The following LASP1 variants were observed in gnomAD, a reference collection of about 807,000 sequenced individuals.
LASP1 encodes the protein LIM and SH3 domain protein 1.
LASP1 carries 10 observed loss-of-function variants against 38.6 expected under a neutral mutation model. The ratio of observed to expected loss-of-function variants is 0.26; its 90% CI spans 0.16 to 0.44. The LOEUF (loss-of-function observed/expected upper bound fraction) is 0.44, where lower values mean the gene tolerates loss of function less well. Ranked by LOEUF, LASP1 falls within the 20% of genes least tolerant of loss-of-function variation. The pLI, the probability that LASP1 is intolerant of heterozygous loss-of-function variation, is 1.00. For synonymous variants in LASP1, 132 were observed against 140.8 expected, an observed-to-expected ratio of 0.94 and a Z score of 0.44; for missense variants, 243 against 375.7, an observed-to-expected ratio of 0.65 and a Z score of 2.92.
chr17:38,896,792 G>A, intron 3 of LASP1: 1 of 400,162 alleles, frequency 2.5e-6, no homozygotes, highest in Non-Finnish European at 3.4e-6. Context: ...CTCAGAAGTG[G>A]GAGACTGAGC....
chr17:38,912,495 A>T (rs1332644185), intron 4 of LASP1, among the ~76,000 whole-genome samples: 1 of 151,978 alleles, frequency 6.6e-6, no homozygotes, highest in Non-Finnish European at 1.5e-5. Context: ...TCTGGTTGCC[A>T]CAGGGTCAGG....
chr17:38,886,115 G>T (rs961832037), intron 2 of LASP1, among the ~76,000 whole-genome samples: 24 of 148,040 alleles, frequency 1.6e-4, no homozygotes, highest in Admixed American at 8.1e-4. Flanking sequence ...TCTCTCACTC[G>T]CTCTCTCACT....
chr17:38,917,525 A>T (rs1484056842), intron 6 of LASP1, among the ~76,000 whole-genome samples: 1 of 151,938 alleles, frequency 6.6e-6, no homozygotes, highest in Non-Finnish European at 1.5e-5. Context: ...TGAGGCTTGG[A>T]AGGTGGAACC....
chr17:38,906,734 G>A (rs1201066087), intron 4 of LASP1, among the ~76,000 whole-genome samples: 1 of 152,106 alleles, frequency 6.6e-6, no homozygotes, highest in African/African-American at 2.4e-5. Flanking sequence ...GGGAGAGCAG[G>A]GGGGTCAGAA....
intron 2 of LASP1, among the ~76,000 whole-genome samples, chr17:38,886,154 C>A (rs991081804): frequency 6.6e-6 from 1 of 151,892 alleles, no homozygotes; most frequent in Non-Finnish European, 1.5e-5. Flanking sequence ...CTCTCTGTCT[C>A]GCTCTCGCTC....
At chr17:38,872,376 C>A (rs1020364765) in intron 1 of LASP1, among the ~76,000 whole-genome samples, 42 of 152,320 alleles carry the variant, frequency 2.8e-4, no homozygotes, top group African/African-American at 9.9e-4. Context: ...CCCCAGTTCT[C>A]TTACCCTAGC....
intron 1 of LASP1, among the ~76,000 whole-genome samples, chr17:38,871,731 C>T (rs3826294): frequency 0.066 from 10,071 of 151,998 alleles, 697 homozygotes; most frequent in East Asian, 0.36. Flanking sequence ...GGAGTGTGGG[C>T]ATATGGGGCC....
chr17:38,894,304 A>C (rs1914425620), intron 3 of LASP1, among the ~76,000 whole-genome samples: 2 of 151,240 alleles, frequency 1.3e-5, no homozygotes, highest in South Asian at 4.2e-4. Flanking sequence ...TCCTTCATCA[A>C]CTCACCTTGA....
intron 1 of LASP1, among the ~76,000 whole-genome samples, chr17:38,874,605 C>T (rs1006736997): frequency 2.6e-5 from 4 of 152,214 alleles, no homozygotes; most frequent in Admixed American, 6.5e-5. Context: ...ACGGCCTCCT[C>T]TCCTGACCTT....
chr17:38,904,200 G>C (rs1367907025), intron 4 of LASP1, among the ~76,000 whole-genome samples: 2 of 152,142 alleles, frequency 1.3e-5, no homozygotes, highest in Admixed American at 1.3e-4. Flanking sequence ...TAACTCCCAT[G>C]TAGTAAGTAC....
At chr17:38,882,322 A>G (rs896143846) in intron 2 of LASP1, among the ~76,000 whole-genome samples, 2 of 152,220 alleles carry the variant, frequency 1.3e-5, no homozygotes, top group Non-Finnish European at 2.9e-5. Context: ...ATCTCCGCTC[A>G]CTACAACCTC....
At chr17:38,891,076 A>G (rs1239031647) in intron 3 of LASP1, among the ~76,000 whole-genome samples, 1 of 151,918 alleles carries the variant, frequency 6.6e-6, no homozygotes, top group Non-Finnish European at 1.5e-5. Context: ...GCCTAGGGAG[A>G]ACTTGGTCTT....
In LASP1 at chr17:38,879,209, G is replaced by A. The variant is rs533935046; in HGVS notation, c.164+1029G>A. On this transcript the variant is annotated intron_variant, in intron 2 of 6. Transcript: ENST00000318008. The stretch of plus-strand genomic sequence containing the variant: ...GAGGACTCATCACCCAGGTTGGAGT[G>A]CAGTGGCGCGATCTTGGCTCACTGC... Among the ~76,000 whole-genome samples, 70 of 147,022 alleles carry A rather than the reference G, an allele frequency of 4.8e-4. No homozygotes were observed. In the South Asian group the frequency reaches 7.9e-3, roughly 16 times the overall value.
At chr17:38,878,574 G>C (rs1442451525) in intron 2 of LASP1, among the ~76,000 whole-genome samples, 1 of 152,108 alleles carries the variant, frequency 6.6e-6, no homozygotes, top group Admixed American at 6.6e-5. Context: ...CGTGTCTGTT[G>C]TATTTGGGGT....
chr17:38,890,094 C>A, intron 2 of LASP1: 1 of 273,568 alleles, frequency 3.7e-6, no homozygotes, highest in Non-Finnish European at 7.2e-6. Context: ...GTGGTAGGCA[C>A]AAGGCATGGA....
chr17:38,886,182 TCA>T (rs979879149), intron 2 of LASP1, among the ~76,000 whole-genome samples: 1 of 151,908 alleles, frequency 6.6e-6, no homozygotes, highest in Non-Finnish European at 1.5e-5. Context: ...ACTCTCTCTC[TCA>T]CTGTTGCTGC....
chr17:38,874,608 C>T (rs1446440807), intron 1 of LASP1, among the ~76,000 whole-genome samples: 1 of 152,210 alleles, frequency 6.6e-6, no homozygotes, highest in Non-Finnish European at 1.5e-5. Flanking sequence ...GCCTCCTCTC[C>T]TGACCTTCCA....
rs1454149649 is a variant in LASP1 at position 38,920,906 on chromosome 17, G to A, written c.*2128G>A. On this transcript the variant is annotated 3_prime_UTR_variant, in exon 7 of 7. Transcript: ENST00000318008. ...CAAAGGTCAGGGACACATCCCCTTA[G>A]AGGACCTGAGTTTGGGAGAGTGGTG... The A allele has an allele frequency of 4.3e-6, 1 of 232,516 alleles. No individual in the cohort carries two copies. The highest frequency in any genetic ancestry group is 8.5e-6 in the Non-Finnish European group (1 of 117,412). 14.4% of individuals were successfully genotyped at this position (232,516 alleles called of 1,614,324 possible). A position where few individuals can be genotyped will look rare whatever the true frequency, so the allele number is the denominator to read the frequency against.
intron 4 of LASP1, among the ~76,000 whole-genome samples, chr17:38,913,395 G>C (rs544955139): frequency 5.3e-5 from 8 of 152,328 alleles, no homozygotes; most frequent in African/African-American, 1.9e-4. Context: ...ATTCTCAGCG[G>C]AGCATCCTAG....
Sources: gnomAD v4.1 joint callset for allele counts (sites outside exome capture counted in the v4.1 genomes callset) on GRCh38, gnomAD v4.1.1 for gene constraint, MANE v1.5 for transcripts, NCBI Gene and HGNC (gene_info 2026-07-23, HGNC 2026-07-21) for gene names.